Variants in FBRSL1 observed in about 807,000 individuals in gnomAD.
FBRSL1 encodes the protein fibrosin-1-like protein.
Under a neutral mutation model 89.6 loss-of-function variants are expected in FBRSL1, and 51 were observed. The ratio of observed to expected loss-of-function variants is 0.57; its 90% CI spans 0.45 to 0.72. FBRSL1 has a LOEUF of 0.72. FBRSL1 is among the 30% of genes least tolerant of loss of function. The pLI is 0.00. For missense variants in FBRSL1, 1,618 were observed against 1,451.8 expected, an observed-to-expected ratio of 1.11 and a Z score of -1.86; for synonymous variants, 779 against 681.1, an observed-to-expected ratio of 1.14 and a Z score of -2.24.
At chr12:132,493,671 A>C (rs1288001089) in intron 1 of FBRSL1, among the ~76,000 whole-genome samples, 2 of 152,050 alleles carry the variant, frequency 1.3e-5, no homozygotes, top group Non-Finnish European at 2.9e-5. Flanking sequence ...CCTGGATGGG[A>C]CACACAGGCT....
intron 5 of FBRSL1, among the ~76,000 whole-genome samples, chr12:132,562,725 G>A (rs994180130): frequency 6.6e-6 from 1 of 152,216 alleles, no homozygotes; most frequent in Middle Eastern, 3.4e-3. Context: ...TCCAGTGCAG[G>A]GGCCCTTCCG....
Position 132,572,331 on chromosome 12 carries a change from A to G in FBRSL1, c.1421A>G (p.His474Arg), listed in dbSNP as rs2040084676. 4 of 1,551,016 alleles carry G rather than the reference A, an allele frequency of 2.6e-6. No homozygotes were observed. The highest frequency in any genetic ancestry group is 3.5e-6 in the Non-Finnish European group (4 of 1,146,740). ...AAGCTGGACAGCCCCTACTTCCGAC[A>G]TTCCAGCGTGAGTGTGAGTGTCCCC... Reference protein sequence around the residue: ...APKLDSPYFRHSSVSFFPSFP... With the variant: ...APKLDSPYFRRSSVSFFPSFP... The change falls in exon 10 of 19, where the codon CAT becomes CGT. Residue 474 changes from histidine (H) to arginine (R), a missense_variant. Coordinates refer to ENST00000680143, the MANE Select transcript of FBRSL1 (RefSeq NM_001367871.1).
At chr12:132,555,312 G>A (rs963872844) in intron 5 of FBRSL1, among the ~76,000 whole-genome samples, 6 of 152,234 alleles carry the variant, frequency 3.9e-5, no homozygotes, top group African/African-American at 1.4e-4. Flanking sequence ...CTGGTGTCCC[G>A]TGGCCTCCAC....
At chr12:132,581,361 C>T (rs2040734463) in intron 15 of FBRSL1, 78 bp from the exon 16 acceptor site, 1 of 1,548,466 alleles carries the variant, frequency 6.5e-7, no homozygotes, top group Non-Finnish European at 8.7e-7. Context: ...AATTGGGGTG[C>T]TCCCTGTGAA....
At chr12:132,531,457 G>A (rs557184126) in intron 4 of FBRSL1, among the ~76,000 whole-genome samples, 5 of 152,180 alleles carry the variant, frequency 3.3e-5, no homozygotes, top group South Asian at 2.1e-4. Context: ...TGTGCAGCTC[G>A]TGTCCGTGGT....
At chr12:132,498,185 C>T (rs111452920) in intron 1 of FBRSL1, among the ~76,000 whole-genome samples, 9 of 152,290 alleles carry the variant, frequency 5.9e-5, no homozygotes, top group African/African-American at 9.6e-5. Context: ...CCCACAGCTA[C>T]GTGCCCCCTG....
At chr12:132,509,673 C>T (rs975467251) in intron 2 of FBRSL1, 20 of 1,231,192 alleles carry the variant, frequency 1.6e-5, no homozygotes, top group African/African-American at 6.2e-5. Context: ...CCCAAGGCAC[C>T]GCTGCAGGCG....
At position 132,570,105 on chromosome 12, in the gene FBRSL1, C is replaced by A. The variant is rs903746056; in HGVS notation, c.871C>A (p.Pro291Thr). 1.6e-5 allele frequency: 24 copies of A among 1,479,074 alleles called. No individual in the cohort carries two copies. In the African/African-American group the frequency reaches 3.2e-4, roughly 20 times the overall value. The allele number at this position is 1,479,074 out of a possible 1,614,324, so 91.6% of individuals were successfully genotyped here. ...CGCCAATCCCTTGGTGAAGAAGGAA[C>A]CCCCCGCCCCGCACCGCCACACCCC... Reference protein sequence around the residue: ...SRANPLVKKEPPAPHRHTPQP... With the variant: ...SRANPLVKKETPAPHRHTPQP... The change falls in exon 7 of 19, where the codon CCC (proline) becomes ACC (threonine). Residue 291 changes from proline (P) to threonine (T), a missense_variant. Coordinates refer to ENST00000680143, the MANE Select transcript of FBRSL1 (RefSeq NM_001367871.1).
chr12:132,496,812 C>T (rs1041872002), intron 1 of FBRSL1, among the ~76,000 whole-genome samples: 5 of 148,258 alleles, frequency 3.4e-5, no homozygotes, highest in South Asian at 2.1e-4. Context: ...CAGCTTGTGC[C>T]GCCGCCCCGC....
intron 4 of FBRSL1, among the ~76,000 whole-genome samples, chr12:132,539,119 G>A (rs1465293240): frequency 6.6e-6 from 1 of 152,038 alleles, no homozygotes; most frequent in African/African-American, 2.4e-5. Flanking sequence ...AGTGTGAGCC[G>A]CATCCCCACA....
intron 2 of FBRSL1, chr12:132,510,872 G>A: frequency 9.7e-7 from 1 of 1,026,470 alleles, no homozygotes. Flanking sequence ...TACTGTCCTT[G>A]CATCTCTGAG....
At chr12:132,497,607 C>T (rs555750814) in intron 1 of FBRSL1, among the ~76,000 whole-genome samples, 96 of 152,296 alleles carry the variant, frequency 6.3e-4, no homozygotes, top group Non-Finnish European at 1.3e-3. Flanking sequence ...GGCCTGACCA[C>T]CCTTCAGTGC....
At chr12:132,542,831 C>T (rs1033968918) in intron 4 of FBRSL1, among the ~76,000 whole-genome samples, 2 of 152,264 alleles carry the variant, frequency 1.3e-5, no homozygotes, top group African/African-American at 4.8e-5. Flanking sequence ...GATCAGGCGG[C>T]CCCTGAGCAC....
At chr12:132,551,399 C>G (rs1298738103) in intron 5 of FBRSL1, 1 of 456,154 alleles carries the variant, frequency 2.2e-6, no homozygotes, top group Admixed American at 2.3e-5. Flanking sequence ...GGGCGCTGAC[C>G]CAGCAGCCGT....
chr12:132,512,349 A>G (rs2034440759), intron 2 of FBRSL1, among the ~76,000 whole-genome samples: 1 of 152,222 alleles, frequency 6.6e-6, no homozygotes, highest in Non-Finnish European at 1.5e-5. Flanking sequence ...TCAGCCCAGC[A>G]TCCTCTGCAC....
rs988449877 is a variant in FBRSL1 at position 132,503,542 on chromosome 12, C to T, written c.292-4611C>T. ...GATGGGTCATGGTGGGAAAGGGTCC[C>T]GTTCCCACCTTCGCAGCTGGAGGGG... On this transcript the variant is annotated intron_variant, in intron 1 of 18. Transcript: ENST00000680143. Among the ~76,000 whole-genome samples the T allele has an allele frequency of 2.6e-5, 4 of 152,320 alleles. No homozygotes were observed. The East Asian group carries it at 5.8e-4, about 22-fold the overall frequency.
intron 2 of FBRSL1, chr12:132,511,140 A>G (rs2034292020): frequency 1.0e-6 from 1 of 985,440 alleles, no homozygotes. Flanking sequence ...CAGGGGGCAC[A>G]TGGGCCCATC....
intron 4 of FBRSL1, among the ~76,000 whole-genome samples, chr12:132,544,664 A>G (rs1250841406): frequency 6.6e-6 from 1 of 151,952 alleles, no homozygotes; most frequent in Non-Finnish European, 1.5e-5. Flanking sequence ...GGCGATACTG[A>G]TGATCATGGT....
intron 1 of FBRSL1, among the ~76,000 whole-genome samples, chr12:132,504,168 A>C (rs1016365719): frequency 2.4e-4 from 37 of 152,244 alleles, no homozygotes; most frequent in African/African-American, 7.7e-4. Flanking sequence ...CTGTGGTTTC[A>C]GGAGCAGGGC....
Sources: gnomAD v4.1 joint callset for allele counts (sites outside exome capture counted in the v4.1 genomes callset) on GRCh38, gnomAD v4.1.1 for gene constraint, MANE v1.5 for transcripts, NCBI Gene and HGNC (gene_info 2026-07-23, HGNC 2026-07-21) for gene names.